FARP1: variants seen among roughly 807,000 people sequenced by gnomAD.
FARP1 encodes FERM, ARH/RhoGEF and pleckstrin domain protein 1, also known as FERM, ARHGEF and pleckstrin domain-containing protein 1.
Under a neutral mutation model 128.8 loss-of-function variants are expected in FARP1, and 52 were observed. The observed-to-expected ratio is 0.40, with a 90% CI of 0.32 to 0.51. The LOEUF (loss-of-function observed/expected upper bound fraction) is 0.51. Ranked by LOEUF, FARP1 falls within the 20% of genes least tolerant of loss-of-function variation. The probability of loss-of-function intolerance (pLI) is 0.45; values close to 1 mark genes in which losing one functional copy is unlikely to be tolerated. For synonymous variants in FARP1, 580 were observed against 551.8 expected (o/e 1.05, Z -0.72); for missense variants, 1,333 against 1,367.9 (o/e 0.97, Z 0.40).
In FARP1 at chr13:98,446,128, T is replaced by C. The variant is rs770786508; in HGVS notation, c.2827T>C (p.Phe943Leu). The change falls in exon 25 of 27, where the codon TTC becomes CTC. Residue 943 changes from phenylalanine to leucine, a missense_variant. Coordinates refer to ENST00000319562, the MANE Select transcript of FARP1 (RefSeq NM_005766.4). Reference sequence around the variant, plus strand: ...GTTGTCTGGAAACCTGCTGAGGAAATTCAAAAACAGCAACGGGTGGCAGAA... The same window carrying C: ...GTTGTCTGGAAACCTGCTGAGGAAACTCAAAAACAGCAACGGGTGGCAGAA... The part of the protein sequence containing the change: ...NQLSGNLLRK[F>L]KNSNGWQKLW... The C allele has an allele frequency of 6.2e-7, 1 of 1,614,014 alleles. No homozygotes were observed. Among genetic ancestry groups the C allele is most frequent in the South Asian group, 1.1e-5 (1 of 91,072 alleles).
chr13:98,436,259 G>A (rs1298436801), intron 19 of FARP1, among the ~76,000 whole-genome samples: 1 of 152,116 alleles, frequency 6.6e-6, no homozygotes, highest in East Asian at 1.9e-4. Context: ...CCCTGCCTGA[G>A]ATGCAGGTGA....
chr13:98,216,848 C>G (rs1216604072), intron 2 of FARP1, among the ~76,000 whole-genome samples: 1 of 152,204 alleles, frequency 6.6e-6, no homozygotes, highest in Non-Finnish European at 1.5e-5. Flanking sequence ...GTGGAAAGTT[C>G]AAGCGCAGTA....
intron 1 of FARP1, among the ~76,000 whole-genome samples, chr13:98,163,889 A>G (rs1187390704): frequency 6.6e-6 from 1 of 152,028 alleles, no homozygotes; most frequent in Non-Finnish European, 1.5e-5. Flanking sequence ...TTGTATTTTT[A>G]ATAGAGACGA....
chr13:98,313,101 G>A (rs1886549431), intron 2 of FARP1, among the ~76,000 whole-genome samples: 1 of 141,850 alleles, frequency 7.0e-6, no homozygotes, highest in Non-Finnish European at 1.5e-5. Context: ...GAATCGGGTG[G>A]GTCATAATAC....
chr13:98,227,433 T>G (rs1469246592), intron 2 of FARP1, among the ~76,000 whole-genome samples: 2 of 149,970 alleles, frequency 1.3e-5, no homozygotes, highest in African/African-American at 2.5e-5. Context: ...AGCTCACACT[T>G]ACTAGGATGG....
At chr13:98,411,597 C>T (rs956094993) in intron 15 of FARP1, among the ~76,000 whole-genome samples, 4 of 152,172 alleles carry the variant, frequency 2.6e-5, no homozygotes, top group African/African-American at 9.7e-5. Context: ...TCCAGTGAAT[C>T]GGCCAGAATG....
chr13:98,388,925 C>T (rs1890202235), intron 9 of FARP1, among the ~76,000 whole-genome samples: 2 of 152,334 alleles, frequency 1.3e-5, no homozygotes, highest in African/African-American at 4.8e-5. Flanking sequence ...ATTAGGTTCC[C>T]TTCCCCACTT....
At chr13:98,428,923 TGCAC>T (rs1891893777) in intron 17 of FARP1, among the ~76,000 whole-genome samples, 1 of 152,146 alleles carries the variant, frequency 6.6e-6, no homozygotes, top group Non-Finnish European at 1.5e-5. Flanking sequence ...TGCACGCACA[TGCAC>T]GCACACACAT....
chr13:98,408,995 G>A (rs1404522330), intron 13 of FARP1, among the ~76,000 whole-genome samples: 1 of 152,212 alleles, frequency 6.6e-6, no homozygotes, highest in Non-Finnish European at 1.5e-5. Flanking sequence ...CATAGACACT[G>A]TGTCTTTCTT....
At chr13:98,257,910 T>C (rs1222198354) in intron 2 of FARP1, among the ~76,000 whole-genome samples, 2 of 152,232 alleles carry the variant, frequency 1.3e-5, no homozygotes, top group Admixed American at 1.3e-4. Flanking sequence ...GTGTGTTAAA[T>C]AGCTTGATGT....
At chr13:98,283,424 C>A (rs1885024860) in intron 2 of FARP1, among the ~76,000 whole-genome samples, 1 of 152,160 alleles carries the variant, frequency 6.6e-6, no homozygotes, top group African/African-American at 2.4e-5. Context: ...GTCTTCTCCC[C>A]AGAAGCCTAA....
intron 2 of FARP1, among the ~76,000 whole-genome samples, chr13:98,217,526 G>A (rs1270465091): frequency 6.6e-6 from 1 of 152,194 alleles, no homozygotes; most frequent in Non-Finnish European, 1.5e-5. Context: ...TCGAGCTTTT[G>A]TAGCTCCTGA....
At chr13:98,259,322 A>G (rs1363470472) in intron 2 of FARP1, among the ~76,000 whole-genome samples, 1 of 148,880 alleles carries the variant, frequency 6.7e-6, no homozygotes, top group Non-Finnish European at 1.5e-5. Context: ...GTACATATCT[A>G]TAAAGTGTGT....
intron 2 of FARP1, among the ~76,000 whole-genome samples, chr13:98,307,413 C>T (rs1290159581): frequency 6.6e-6 from 1 of 152,112 alleles, no homozygotes; most frequent in Non-Finnish European, 1.5e-5. Flanking sequence ...CCCGGTTTCC[C>T]CCACCACCCC....
intron 1 of FARP1, among the ~76,000 whole-genome samples, chr13:98,206,066 T>C (rs1880242379): frequency 6.6e-6 from 1 of 152,120 alleles, no homozygotes; most frequent in Non-Finnish European, 1.5e-5. Context: ...AAAGGTTTTT[T>C]TGTTTGTTTG....
In FARP1 at chr13:98,409,413, C is replaced by T. The variant is rs763179970; in HGVS notation, c.1490C>T (p.Thr497Ile). 6.2e-7 allele frequency: 1 copy of T among 1,614,050 alleles called. No homozygotes were observed. The highest frequency in any genetic ancestry group is 2.2e-5 in the East Asian group (1 of 44,874). Reference sequence around the variant, plus strand: ...GGGGGAGTGGCCCCTGCCAACGTGACCTTGTCTCCCAACCTGAGCCCCGAC... The same window carrying T: ...GGGGGAGTGGCCCCTGCCAACGTGATCTTGTCTCCCAACCTGAGCCCCGAC... ...SQGGVAPANV[T>I]LSPNLSPDTK... Residue 497 changes from threonine (T) to isoleucine (I), a missense_variant, in exon 14 of 27, where the codon ACC becomes ATC. Thr to Ile is a moderately conservative substitution (Grantham distance 89). This residue lies in a region of FARP1 where 1,009 missense variants were observed against 969.8 expected (regional missense o/e 1.04). Transcript: ENST00000319562.
chr13:98,354,356 G>A (rs1344312470), intron 3 of FARP1, among the ~76,000 whole-genome samples: 1 of 152,162 alleles, frequency 6.6e-6, no homozygotes, highest in Non-Finnish European at 1.5e-5. Context: ...TTGTCAAAAA[G>A]GGAAGGTAGG....
At position 98,224,206 on chromosome 13, in the gene FARP1, A is replaced by G. The variant is rs147209923; in HGVS notation, c.171+10793A>G. Among the ~76,000 whole-genome samples, 1,206 of 152,258 alleles carry G rather than the reference A, an allele frequency of 7.9e-3. 16 individuals are homozygous for G. The highest frequency in any genetic ancestry group is 0.028 in the African/African-American group (1,151 of 41,542). On this transcript the variant is annotated intron_variant, in intron 2 of 26. Coordinates refer to ENST00000319562, the MANE Select transcript of FARP1 (RefSeq NM_005766.4). Reference sequence around the variant, plus strand: ...ATTACTTTCCCAGGGCAGCCATAACAAAGTACTACAAACCCGTGGCTTAAA... The same window carrying G: ...ATTACTTTCCCAGGGCAGCCATAACGAAGTACTACAAACCCGTGGCTTAAA...
Position 98,448,515 on chromosome 13 carries a change from C to T in FARP1, c.*198C>T. 3.4e-6 allele frequency: 2 copies of T among 580,060 alleles called. No homozygotes were observed. The highest frequency in any genetic ancestry group is 3.1e-5 in the Admixed American group (1 of 32,400). The allele number at this position is 580,060 out of a possible 1,614,324, so 35.9% of individuals were successfully genotyped here. On this transcript the variant is annotated 3_prime_UTR_variant, in exon 27 of 27. Coordinates refer to ENST00000319562, the MANE Select transcript of FARP1 (RefSeq NM_005766.4). ...AATGAACAGCGCTCCCACCTCCAGT[C>T]CTGGCATCCGCTGGGGGCGCTGTTC...
Sources: gnomAD v4.1 joint callset for allele counts (sites outside exome capture counted in the v4.1 genomes callset) on GRCh38, gnomAD v4.1.1 for gene constraint, gnomAD v4.1.1 regional missense constraint, MANE v1.5 for transcripts, NCBI Gene and HGNC (gene_info 2026-07-23, HGNC 2026-07-21) for gene names.